CPAMD8: variants seen among roughly 807,000 people sequenced by gnomAD.
The protein encoded by CPAMD8 is C3 and PZP like alpha-2-macroglobulin domain containing 8.
A neutral mutation model predicts 224.7 loss-of-function variants in CPAMD8; 146 were observed. The observed-to-expected ratio is 0.65, with a 90% CI of 0.57 to 0.75. The LOEUF is 0.75. Ranked by LOEUF, CPAMD8 falls within the 30% of genes least tolerant of loss-of-function variation. CPAMD8 has a pLI of 0.00. For synonymous variants in CPAMD8, 966 were observed against 1,044.6 expected (o/e 0.92, Z 1.45); for missense variants, 2,301 against 2,537.5 (o/e 0.91, Z 2.00).
In CPAMD8 at chr19:16,904,548, C is replaced by A. The variant is rs2052395350; in HGVS notation, c.4032G>T (p.Gly1344=). ...AATTTGACAGGCTCCAGTGGGTGACCCCATCTGCAAGGAAAGGAGTGGTCA... is the reference window on the plus strand; with the variant it reads ...AATTTGACAGGCTCCAGTGGGTGACACCATCTGCAAGGAAAGGAGTGGTCA... ...KLRSLAIMRD[G]VTHWSLSNSW... The change falls in exon 31 of 42, where the codon GGG becomes GGT. Residue 1344 remains glycine, a synonymous_variant. Coordinates refer to ENST00000443236, the MANE Select transcript of CPAMD8 (RefSeq NM_015692.5). 6.2e-7 allele frequency: 1 copy of A among 1,611,460 alleles called. No individual in the cohort carries two copies. Among genetic ancestry groups the A allele is most frequent in the South Asian group, 1.1e-5 (1 of 91,054 alleles).
chr19:16,914,732 C>T lies in CPAMD8; in HGVS notation c.3711G>A (p.Lys1237=), dbSNP rs1467106151. Residue 1237 remains lysine, a synonymous_variant, in exon 28 of 42, where the codon AAG becomes AAA. Coordinates refer to ENST00000443236, the MANE Select transcript of CPAMD8 (RefSeq NM_015692.5). ...CCTGCTGCTGCTGGATGATCCAGCT[C>T]TTGGCGGCAGCCAGCTCCCGGGGGT... The part of the protein sequence containing the change: ...FVDPRELAAA[K]SWIIQQQQAD... 9 of 1,614,080 alleles carry T rather than the reference C, an allele frequency of 5.6e-6. No individual in the cohort carries two copies. The highest frequency in any genetic ancestry group is 7.6e-6 in the Non-Finnish European group (9 of 1,180,006).
At chr19:16,941,890 T>C (rs2053905781) in intron 22 of CPAMD8, among the ~76,000 whole-genome samples, 1 of 152,074 alleles carries the variant, frequency 6.6e-6, no homozygotes, top group Non-Finnish European at 1.5e-5. Flanking sequence ...GGAGACTCGC[T>C]TGAACAAGGA....
intron 14 of CPAMD8, 25 bp from the exon 15 acceptor site, chr19:16,977,565 G>A: frequency 1.3e-6 from 2 of 1,551,486 alleles, no homozygotes; most frequent in South Asian, 2.4e-5. Context: ...AGTAGAGAGA[G>A]GTGGTGAATT....
intron 16 of CPAMD8, 38 bp downstream of exon 16, chr19:16,975,964 G>C: frequency 6.7e-7 from 1 of 1,485,730 alleles, no homozygotes; most frequent in South Asian, 1.4e-5. Context: ...GTAAAGCCCC[G>C]TGGAGGTCTA....
At chr19:16,895,933 G>GCA in intron 41 of CPAMD8, 1 of 652,916 alleles carries the variant, frequency 1.5e-6, no homozygotes. Context: ...ACACACGCGC[G>GCA]CGTGCGCCCG....
chr19:16,921,279 C>T (rs1219816677), intron 27 of CPAMD8, among the ~76,000 whole-genome samples: 1 of 152,208 alleles, frequency 6.6e-6, no homozygotes, highest in Non-Finnish European at 1.5e-5. Flanking sequence ...CAGCTGCTGT[C>T]GGCACTACCA....
In CPAMD8 at chr19:16,914,434, G is replaced by GT. The variant is rs1261547349; in HGVS notation, c.3850dup (p.Thr1284AsnfsTer11). ...CCCTTCTGTACTCACCTCTGAGGCT[G>GT]TGCCTGTTTCCAGGAGAGCAACCAC... On this transcript the variant is annotated frameshift_variant, in exon 29 of 42. Transcript: ENST00000443236. LOFTEE classifies it high-confidence loss of function. 1 of 1,614,136 alleles carries GT rather than the reference G, an allele frequency of 6.2e-7. No homozygotes were observed. The highest frequency in any genetic ancestry group is 1.1e-5 in the South Asian group (1 of 91,084).
At chr19:16,895,847 C>T in intron 41 of CPAMD8, 2 of 502,566 alleles carry the variant, frequency 4.0e-6, no homozygotes, top group East Asian at 5.0e-5. Flanking sequence ...CACTGCTGGT[C>T]CCCCCAGCAT....
In CPAMD8 at chr19:16,947,015, G is replaced by T; in HGVS notation, c.2662+59C>A. ...CCCCTCATCCCCAACTCGGGTCAAT[G>T]CCAGGACACTTTTGTGGCCTGGAGA... On this transcript the variant is annotated intron_variant, in intron 21 of 41. Coordinates refer to ENST00000443236, the MANE Select transcript of CPAMD8 (RefSeq NM_015692.5). 2 of 1,522,556 alleles carry T rather than the reference G, an allele frequency of 1.3e-6. 1 individual carries two copies. The highest frequency in any genetic ancestry group is 2.5e-5 in the South Asian group (2 of 78,506). The allele number at this position is 1,522,556 out of a possible 1,614,324, so 94.3% of individuals were successfully genotyped here.
intron 20 of CPAMD8, among the ~76,000 whole-genome samples, chr19:16,948,884 A>AGGGAG (rs2054201398): frequency 1.6e-5 from 1 of 60,992 alleles, no homozygotes. Context: ...AAGGGAAGGG[A>AGGGAG]AGGGAAGGGA....
At chr19:16,973,970 C>T (rs2122677575) in intron 17 of CPAMD8, among the ~76,000 whole-genome samples, 1 of 151,598 alleles carries the variant, frequency 6.6e-6, no homozygotes, top group South Asian at 2.1e-4. Context: ...GCTGGGACTA[C>T]AGGCATGCAC....
intron 19 of CPAMD8, among the ~76,000 whole-genome samples, chr19:16,952,488 G>A (rs1334742489): frequency 6.6e-6 from 1 of 152,124 alleles, no homozygotes; most frequent in Admixed American, 6.6e-5. Context: ...ACCACCCTAG[G>A]CAAGATGATG....
At chr19:16,901,799 T>A (rs540406785) in intron 35 of CPAMD8, among the ~76,000 whole-genome samples, 1 of 151,962 alleles carries the variant, frequency 6.6e-6, no homozygotes, top group Non-Finnish European at 1.5e-5. Flanking sequence ...CTATAGGGCG[T>A]TGGGGACAAG....
intron 22 of CPAMD8, among the ~76,000 whole-genome samples, chr19:16,944,825 G>A (rs944683968): frequency 6.6e-6 from 1 of 152,224 alleles, no homozygotes; most frequent in Non-Finnish European, 1.5e-5. Flanking sequence ...CCAGCAGGGA[G>A]GGAGAGCAGC....
intron 18 of CPAMD8, among the ~76,000 whole-genome samples, chr19:16,969,348 T>G (rs778789495): frequency 6.6e-6 from 1 of 151,734 alleles, no homozygotes; most frequent in East Asian, 1.9e-4. Flanking sequence ...TGGGAAGGAG[T>G]GTGACTGACA....
intron 8 of CPAMD8, among the ~76,000 whole-genome samples, chr19:17,003,601 C>G (rs1443221453): frequency 1.3e-5 from 2 of 151,238 alleles, no homozygotes; most frequent in Admixed American, 1.3e-4. Context: ...GGCAACATGA[C>G]GAAACCCTGT....
intron 26 of CPAMD8, among the ~76,000 whole-genome samples, chr19:16,922,627 A>T (rs986783818): frequency 1.3e-5 from 2 of 150,110 alleles, no homozygotes. Context: ...AAACTGCCTC[A>T]TACCACATGT....
intron 41 of CPAMD8, chr19:16,894,312 G>A: frequency 4.6e-6 from 2 of 433,738 alleles, no homozygotes; most frequent in South Asian, 1.6e-5. Context: ...TTTAGAGGCA[G>A]GTGTCACCTG....
chr19:17,013,938 C>G (rs2056736360), intron 3 of CPAMD8, among the ~76,000 whole-genome samples: 1 of 150,968 alleles, frequency 6.6e-6, no homozygotes, highest in East Asian at 1.9e-4. Context: ...CTCTCTCCCT[C>G]CCTCTCTCCC....
Sources: gnomAD v4.1 joint callset for allele counts (sites outside exome capture counted in the v4.1 genomes callset) on GRCh38, gnomAD v4.1.1 for gene constraint, MANE v1.5 for transcripts, NCBI Gene and HGNC (gene_info 2026-07-23, HGNC 2026-07-21) for gene names.